CPEB2: variants seen among roughly 807,000 people sequenced by gnomAD.
CPEB2 encodes the protein cytoplasmic polyadenylation element-binding protein 2.
Under a neutral mutation model 93.6 loss-of-function variants are expected in CPEB2, and 56 were observed. That is an observed-to-expected ratio of 0.60 (90% CI 0.48 to 0.75). CPEB2 has a LOEUF of 0.75. CPEB2 is among the 30% of genes least tolerant of loss of function. The pLI, the probability that CPEB2 is intolerant of heterozygous loss-of-function variation, is 0.00. For missense variants in CPEB2, 1,579 were observed against 1,395.1 expected (o/e 1.13, Z -2.10); for synonymous variants, 764 against 586.3 (o/e 1.30, Z -4.38).
intron 6 of CPEB2, among the ~76,000 whole-genome samples, chr4:15,043,764 G>A (rs1727406116): frequency 6.6e-6 from 1 of 151,954 alleles, no homozygotes; most frequent in Non-Finnish European, 1.5e-5. Flanking sequence ...GACCCGGAAG[G>A]CAATCCTTTT....
chr4:15,028,611 T>G (rs765187466), intron 4 of CPEB2, among the ~76,000 whole-genome samples: 1 of 152,090 alleles, frequency 6.6e-6, no homozygotes, highest in African/African-American at 2.4e-5. Context: ...AGAAAAAATA[T>G]ACTATCAAGG....
chr4:15,002,937 G>A lies in CPEB2; in HGVS notation c.264G>A (p.Ala88=), dbSNP rs1021792340. ...AAASSSSPFL[A]HQQTMQDELL... Reference sequence around the variant, plus strand: ...CTTCCTCTTCCTCCCCGTTCCTGGCGCATCAGCAGACCATGCAGGATGAGC... The same window carrying A: ...CTTCCTCTTCCTCCCCGTTCCTGGCACATCAGCAGACCATGCAGGATGAGC... The change falls in exon 1 of 12, where the codon GCG becomes GCA. Residue 88 remains alanine (A), a synonymous_variant. Coordinates refer to ENST00000538197, the MANE Select transcript of CPEB2 (RefSeq NM_001177382.2). The A allele has an allele frequency of 4.0e-6, 6 of 1,516,552 alleles. No individual in the cohort carries two copies. Among genetic ancestry groups the A allele is most frequent in the Admixed American group, 2.3e-5 (1 of 44,234 alleles). The allele number at this position is 1,516,552 out of a possible 1,614,324, so 93.9% of individuals were successfully genotyped here.
At chr4:15,005,092 G>C (rs939470094) in intron 1 of CPEB2, 2 of 152,354 alleles carry the variant, frequency 1.3e-5, no homozygotes, top group South Asian at 4.1e-4. Flanking sequence ...AGTCGGGAGG[G>C]AGCGGCCGAC....
At chr4:15,024,838 C>T (rs561542918) in intron 4 of CPEB2, among the ~76,000 whole-genome samples, 8 of 151,084 alleles carry the variant, frequency 5.3e-5, no homozygotes, top group South Asian at 4.2e-4. Flanking sequence ...CTTTGCCTCC[C>T]GGGTTCAAGT....
intron 5 of CPEB2, among the ~76,000 whole-genome samples, chr4:15,039,871 A>G (rs1400895612): frequency 1.3e-5 from 2 of 152,130 alleles, no homozygotes; most frequent in Non-Finnish European, 2.9e-5. Flanking sequence ...ATTATTAGCT[A>G]TAGTAATTTC....
intron 10 of CPEB2, among the ~76,000 whole-genome samples, chr4:15,060,247 A>C (rs1458861817): frequency 6.6e-6 from 1 of 152,188 alleles, no homozygotes; most frequent in Non-Finnish European, 1.5e-5. Flanking sequence ...GAAGGGGTCA[A>C]ATCATACAAG....
At chr4:15,035,759 C>A (rs540452791) in intron 5 of CPEB2, among the ~76,000 whole-genome samples, 3 of 152,254 alleles carry the variant, frequency 2.0e-5, no homozygotes, top group Admixed American at 6.5e-5. Flanking sequence ...CTCTGAGGCA[C>A]TGTTTCCTAA....
intron 3 of CPEB2, among the ~76,000 whole-genome samples, chr4:15,012,169 G>A (rs1349787938): frequency 6.6e-6 from 1 of 152,178 alleles, no homozygotes; most frequent in African/African-American, 2.4e-5. Flanking sequence ...TCATCAAACT[G>A]TTACATGCCC....
At chr4:15,045,723 T>C (rs567338046) in intron 6 of CPEB2, among the ~76,000 whole-genome samples, 1 of 152,270 alleles carries the variant, frequency 6.6e-6, no homozygotes, top group East Asian at 1.9e-4. Flanking sequence ...CAAGGAAATA[T>C]TACCTTTAAG....
intron 5 of CPEB2, among the ~76,000 whole-genome samples, chr4:15,034,426 T>C (rs1726409545): frequency 6.6e-6 from 1 of 152,212 alleles, no homozygotes; most frequent in Non-Finnish European, 1.5e-5. Flanking sequence ...AGATGTTAGG[T>C]TGAAAAGTGT....
At chr4:15,058,691 C>T in intron 9 of CPEB2, 152 bp downstream of exon 9, 3 of 597,766 alleles carry the variant, frequency 5.0e-6, no homozygotes, top group East Asian at 2.9e-5. Context: ...GAGTCCCCAA[C>T]CCCTGGGCAG....
intron 3 of CPEB2, among the ~76,000 whole-genome samples, chr4:15,011,544 C>G (rs1723488505): frequency 6.6e-6 from 1 of 152,128 alleles, no homozygotes; most frequent in African/African-American, 2.4e-5. Flanking sequence ...CAGCAATGTG[C>G]ACTACTTGGA....
intron 4 of CPEB2, among the ~76,000 whole-genome samples, chr4:15,020,833 A>G (rs535636977): frequency 6.6e-6 from 1 of 152,138 alleles, no homozygotes; most frequent in Non-Finnish European, 1.5e-5. Flanking sequence ...CAATATACGT[A>G]TATCTACTGT....
rs749273963 is a variant in CPEB2 at position 15,003,663 on chromosome 4, C to T, written c.990C>T (p.Pro330=). The change falls in exon 1 of 12, where the codon CCC becomes CCT. Residue 330 remains proline (P), a synonymous_variant. Coordinates refer to ENST00000538197, the MANE Select transcript of CPEB2 (RefSeq NM_001177382.2). ...TCAACAGTCCCAGTAACCTCCTGCCCGGAGGTGCGCTTGGCGCGGGCGCCT... is the reference window on the plus strand; with the variant it reads ...TCAACAGTCCCAGTAACCTCCTGCCTGGAGGTGCGCTTGGCGCGGGCGCCT... The part of the protein sequence containing the change: ...PLLNSPSNLL[P]GGALGAGAFS... The T allele has an allele frequency of 2.2e-5, 32 of 1,469,830 alleles. No homozygotes were observed. The South Asian group carries it at 2.8e-4, about 13-fold the overall frequency. The allele number at this position is 1,469,830 out of a possible 1,614,324, so 91.0% of individuals were successfully genotyped here.
chr4:15,002,874 C>T lies in CPEB2; in HGVS notation c.201C>T (p.Val67=). The T allele has an allele frequency of 6.6e-7, 1 of 1,525,298 alleles. No homozygotes were observed. The highest frequency in any genetic ancestry group is 8.7e-7 in the Non-Finnish European group (1 of 1,143,918). 94.5% of individuals were successfully genotyped at this position (1,525,298 alleles called of 1,614,324 possible). A position where few individuals can be genotyped will look rare whatever the true frequency, so the allele number is the denominator to read the frequency against. The change falls in exon 1 of 12, where the codon GTC becomes GTT. Residue 67 remains valine (V), a synonymous_variant. Coordinates refer to ENST00000538197, the MANE Select transcript of CPEB2 (RefSeq NM_001177382.2). ...GFLEAASPFS[V]PLGGGAGSPA... is the part of the protein sequence containing the mutation. ...TAGAGGCCGCCTCCCCCTTCTCCGT[C>T]CCCCTCGGCGGCGGCGCGGGCAGCC...
chr4:15,066,229 C>T lies in CPEB2; in HGVS notation c.2954C>T (p.Ala985Val), dbSNP rs770239925. ...GGCGCACGCTGTGGTGGAAAATTTGCTCCCTTTTTTTGTGCCAATGTCACT... is the reference window on the plus strand; with the variant it reads ...GGCGCACGCTGTGGTGGAAAATTTGTTCCCTTTTTTTGTGCCAATGTCACT... ...CQGARCGGKF[A>V]PFFCANVTCL... The change falls in exon 12 of 12, where the codon GCT becomes GTT. Residue 985 changes from alanine to valine, a missense_variant. Coordinates refer to ENST00000538197, the MANE Select transcript of CPEB2 (RefSeq NM_001177382.2). 6.2e-7 allele frequency: 1 copy of T among 1,613,464 alleles called. No individual in the cohort carries two copies. The highest frequency in any genetic ancestry group is 1.1e-5 in the South Asian group (1 of 91,070).
chr4:15,021,415 A>G (rs1407183082), intron 4 of CPEB2, among the ~76,000 whole-genome samples: 1 of 152,158 alleles, frequency 6.6e-6, no homozygotes, highest in African/African-American at 2.4e-5. Context: ...ATTTTTTAAT[A>G]TATGTGTATA....
chr4:15,066,591 T>C lies in CPEB2; in HGVS notation c.*211T>C. 1.9e-6 allele frequency: 1 copy of C among 532,262 alleles called. No homozygotes were observed. The highest frequency in any genetic ancestry group is 3.3e-6 in the Non-Finnish European group (1 of 301,232). 33.0% of individuals were successfully genotyped at this position (532,262 alleles called of 1,614,324 possible). A position where few individuals can be genotyped will look rare whatever the true frequency, so the allele number is the denominator to read the frequency against. ...CTCAGGCTTACTAATTTTTGTGATA[T>C]TTTCATGTTCAAATAAAATGTTTTT... On this transcript the variant is annotated 3_prime_UTR_variant, in exon 12 of 12. Transcript: ENST00000538197.
Position 15,030,018 on chromosome 4 carries a change from T to C in CPEB2, c.2126-3143T>C, listed in dbSNP as rs150971388. Among the ~76,000 whole-genome samples the C allele has an allele frequency of 1.6e-4, 25 of 152,218 alleles. No homozygotes were observed. The East Asian group carries it at 4.6e-3, about 28-fold the overall frequency. ...TGTAGTTTTTTGGTTTTTTGTTTTT[T>C]ACTCTGGGAAGCTCTGTATCTGTCT... is the stretch of plus-strand genomic sequence containing the variant. On this transcript the variant is annotated intron_variant, in intron 4 of 11. Transcript: ENST00000538197.
Sources: gnomAD v4.1 joint callset for allele counts (sites outside exome capture counted in the v4.1 genomes callset) on GRCh38, gnomAD v4.1.1 for gene constraint, MANE v1.5 for transcripts, NCBI Gene and HGNC (gene_info 2026-07-23, HGNC 2026-07-21) for gene names.